The following PHF24 variants were observed in gnomAD, a reference collection of about 807,000 sequenced individuals.
The protein encoded by PHF24 is Galpha inhibitory interacting protein.
PHF24 carries 25 observed loss-of-function variants against 42.6 expected under a neutral mutation model. That is an observed-to-expected ratio of 0.59 (90% CI 0.43 to 0.82). PHF24 has a LOEUF of 0.82. Among genes scored for constraint, PHF24 ranks in the 40% least tolerant of loss-of-function variants. The pLI, the probability that PHF24 is intolerant of heterozygous loss-of-function variation, is 0.00. For synonymous variants in PHF24, 185 were observed against 204.8 expected, an observed-to-expected ratio of 0.90 and a Z score of 0.83; for missense variants, 470 against 538.1, an observed-to-expected ratio of 0.87 and a Z score of 1.25.
At chr9:34,739,347 G>C in the PHF24 span, among the ~76,000 whole-genome samples, 1 of 152,162 alleles carries the variant, frequency 6.6e-6, no homozygotes, top group African/African-American at 2.4e-5. Context: ...GCCATTTAGG[G>C]GTACTTATAG....
the PHF24 span, among the ~76,000 whole-genome samples, chr9:34,675,132 A>G: frequency 1.3e-5 from 2 of 152,182 alleles, no homozygotes; most frequent in Non-Finnish European, 2.9e-5. Flanking sequence ...TGCTAGGAGT[A>G]TAGGTGTGAG....
At chr9:34,929,855 A>G in the PHF24 span, among the ~76,000 whole-genome samples, 3 of 152,032 alleles carry the variant, frequency 2.0e-5, no homozygotes, top group Admixed American at 6.5e-5. Context: ...TTTTTCCCCT[A>G]CTGTTTCTCC....
the PHF24 span, among the ~76,000 whole-genome samples, chr9:34,942,376 GAT>G: frequency 0.038 from 5,755 of 152,184 alleles, 229 homozygotes; most frequent in East Asian, 0.22. Context: ...ACTTTGGAAA[GAT>G]ATGCCAACAA....
At chr9:34,690,384 A>G in the PHF24 span, 16 of 1,596,000 alleles carry the variant, frequency 1.0e-5, no homozygotes, top group Non-Finnish European at 1.4e-5. Context: ...GGGACCCTTG[A>G]GGGTGGCATG....
chr9:34,830,590 T>G, the PHF24 span, among the ~76,000 whole-genome samples: 200 of 152,270 alleles, frequency 1.3e-3, no homozygotes, highest in Non-Finnish European at 2.1e-3. Flanking sequence ...AGGCTTGATG[T>G]GTGGCTAGGA....
chr9:34,766,996 G>T, the PHF24 span, among the ~76,000 whole-genome samples: 2 of 152,240 alleles, frequency 1.3e-5, no homozygotes, highest in South Asian at 2.1e-4. Context: ...TGTATCAGCA[G>T]TGGTGGCTGC....
chr9:34,977,793 AGGACCAGCCAGCTGGTCTGTTGGCC>A, intron 7 of PHF24, 152 bp downstream of exon 7: 4 of 767,018 alleles, frequency 5.2e-6, no homozygotes, highest in East Asian at 5.3e-5. Context: ...CCAAGTCTAT[AGGACCAGCCAGCTGGTCTGTTGGCC>A]TGGTAGCACA....
chr9:34,913,385 A>G, the PHF24 span, among the ~76,000 whole-genome samples: 13 of 152,302 alleles, frequency 8.5e-5, no homozygotes, highest in Admixed American at 2.0e-4. Context: ...ATGCCCTAAC[A>G]TAGGAGGAAA....
At chr9:34,690,014 T>A in the PHF24 span, 1 of 1,613,778 alleles carries the variant, frequency 6.2e-7, no homozygotes, top group African/African-American at 1.3e-5. Flanking sequence ...GGCCCCTCAG[T>A]GTGGTGAACC....
chr9:34,882,589 A>G, the PHF24 span, among the ~76,000 whole-genome samples: 1 of 149,210 alleles, frequency 6.7e-6, no homozygotes, highest in Non-Finnish European at 1.5e-5. Flanking sequence ...AGAGAGCCAA[A>G]TCATGAGTGA....
chr9:34,848,174 G>A, the PHF24 span, among the ~76,000 whole-genome samples: 5 of 148,492 alleles, frequency 3.4e-5, no homozygotes, highest in Admixed American at 6.7e-5. Context: ...CAGAAGGAAT[G>A]GTACCAGTTC....
chr9:34,707,794 C>T, the PHF24 span, among the ~76,000 whole-genome samples: 4 of 151,998 alleles, frequency 2.6e-5, no homozygotes, highest in Admixed American at 6.6e-5. Context: ...ATGGCACAAT[C>T]GATCTCACCT....
the PHF24 span, among the ~76,000 whole-genome samples, chr9:34,874,430 C>T: frequency 6.6e-6 from 1 of 152,156 alleles, no homozygotes; most frequent in East Asian, 1.9e-4. Context: ...TCAATCCACT[C>T]GTTTCTCACC....
upstream of PHF24, among the ~76,000 whole-genome samples, chr9:34,958,033 C>G (rs938089791): frequency 3.3e-5 from 5 of 150,620 alleles, no homozygotes; most frequent in African/African-American, 1.2e-4. The surrounding 1 kb of genome is among the most constrained non-coding windows in gnomAD (Gnocchi z 4.5). Flanking sequence ...CCGCCGTCCT[C>G]CCGCATTCCC....
At chr9:34,724,479 G>A in the PHF24 span, 9 of 1,551,764 alleles carry the variant, frequency 5.8e-6, no homozygotes, top group Non-Finnish European at 6.1e-6. Flanking sequence ...ATGTTCTCTG[G>A]TGCTGCAACA....
At chr9:34,923,902 A>G in the PHF24 span, among the ~76,000 whole-genome samples, 1 of 150,664 alleles carries the variant, frequency 6.6e-6, no homozygotes, top group Admixed American at 6.6e-5. Context: ...TAGTTTGTTT[A>G]TTTGAAGTTT....
the PHF24 span, among the ~76,000 whole-genome samples, chr9:34,901,184 C>G: frequency 6.6e-6 from 1 of 152,038 alleles, no homozygotes; most frequent in Admixed American, 6.5e-5. Context: ...TGAAATAATA[C>G]CAATTCTACA....
intron 1 of PHF24, among the ~76,000 whole-genome samples, chr9:34,970,883 T>A (rs1356595951): frequency 6.6e-6 from 1 of 152,124 alleles, no homozygotes; most frequent in African/African-American, 2.4e-5. Flanking sequence ...CCTTGTAACA[T>A]CCCTGTGAAG....
chr9:34,717,985 T>A, the PHF24 span, among the ~76,000 whole-genome samples: 183 of 152,358 alleles, frequency 1.2e-3, no homozygotes, highest in Non-Finnish European at 2.0e-3. Context: ...TGTGTCCATG[T>A]GTCTTTGACT....
Sources: gnomAD v4.1 joint callset for allele counts (sites outside exome capture counted in the v4.1 genomes callset) on GRCh38, gnomAD v4.1.1 for gene constraint, Gnocchi (gnomAD v3.1) non-coding constraint, MANE v1.5 for transcripts, NCBI Gene and HGNC (gene_info 2026-07-23, HGNC 2026-07-21) for gene names.